Variants in MPP7 observed in about 807,000 individuals in gnomAD.
The protein encoded by MPP7 is MAGUK p55 scaffold protein 7, also known as MAGUK p55 subfamily member 7.
MPP7 carries 60 observed loss-of-function variants against 76.5 expected under a neutral mutation model. That is an observed-to-expected ratio of 0.78 (90% CI 0.64 to 0.97). The LOEUF is 0.97. Ranked by LOEUF, MPP7 falls within the 50% of genes least tolerant of loss-of-function variation. The pLI is 0.00. For missense variants in MPP7, 641 were observed against 694.0 expected (o/e 0.92, Z 0.86); for synonymous variants, 237 against 244.5 (o/e 0.97, Z 0.29).
At chr10:28,137,662 A>C (rs1483968482) in intron 5 of MPP7, among the ~76,000 whole-genome samples, 1 of 152,238 alleles carries the variant, frequency 6.6e-6, no homozygotes, top group East Asian at 1.9e-4. Flanking sequence ...ATTTTGGACA[A>C]CTAAAATTTT....
intron 6 of MPP7, among the ~76,000 whole-genome samples, chr10:28,131,064 T>A (rs552700417): frequency 6.6e-6 from 1 of 152,320 alleles, no homozygotes; most frequent in African/African-American, 2.4e-5. Flanking sequence ...AAAATAAAAT[T>A]AAATTAAACA....
At chr10:28,092,717 C>A (rs1377090282) in intron 11 of MPP7, among the ~76,000 whole-genome samples, 2 of 148,172 alleles carry the variant, frequency 1.3e-5, no homozygotes, top group Non-Finnish European at 3.0e-5. Flanking sequence ...GGACCACAGG[C>A]ATGTGCCACC....
chr10:28,306,694 AATAG>A (rs1053851153), upstream of MPP7, among the ~76,000 whole-genome samples: 8 of 90,064 alleles, frequency 8.9e-5, no homozygotes, highest in African/African-American at 3.8e-4. Flanking sequence ...GATGATAGAT[AATAG>A]ATAGTTGATA....
intron 2 of MPP7, among the ~76,000 whole-genome samples, chr10:28,316,265 C>T (rs1224111955): frequency 6.6e-6 from 1 of 151,330 alleles, no homozygotes; most frequent in East Asian, 1.9e-4. Flanking sequence ...GGTGAAACCC[C>T]ATATCTACTA....
chr10:28,147,099 G>A (rs993660389), intron 5 of MPP7, among the ~76,000 whole-genome samples: 2 of 152,060 alleles, frequency 1.3e-5, no homozygotes, highest in African/African-American at 4.8e-5. Context: ...AAAGAGGAAT[G>A]CTGAAATGAC....
At chr10:28,084,285 T>A (rs929742609) in intron 12 of MPP7, among the ~76,000 whole-genome samples, 2 of 152,102 alleles carry the variant, frequency 1.3e-5, no homozygotes, top group Admixed American at 1.3e-4. Flanking sequence ...CAATTCACAA[T>A]CACTAACCAA....
chr10:28,211,462 T>TATAG (rs1385815461), intron 2 of MPP7, among the ~76,000 whole-genome samples: 2 of 147,720 alleles, frequency 1.4e-5, no homozygotes, highest in African/African-American at 5.0e-5. Context: ...TATATATATA[T>TATAG]AGAGAGAGAG....
intron 3 of MPP7, among the ~76,000 whole-genome samples, chr10:28,163,560 C>T (rs895621884): frequency 6.6e-6 from 1 of 152,120 alleles, no homozygotes; most frequent in African/African-American, 2.4e-5. Context: ...AAACTTAGTA[C>T]ATACTCAAAT....
At chr10:28,331,032 T>A (rs1301281228) in intron 1 of MPP7, among the ~76,000 whole-genome samples, 1 of 152,206 alleles carries the variant, frequency 6.6e-6, no homozygotes, top group Non-Finnish European at 1.5e-5. Flanking sequence ...TGAAATTATG[T>A]GTGTCATACT....
chr10:28,229,365 C>T (rs1056213072), intron 2 of MPP7, among the ~76,000 whole-genome samples: 5 of 152,176 alleles, frequency 3.3e-5, no homozygotes, highest in Admixed American at 1.3e-4. Flanking sequence ...GCTAACCTAG[C>T]GTTATGTGCT....
At chr10:28,202,403 C>T (rs893574025) in intron 2 of MPP7, 132 bp from the exon 3 acceptor site, 8 of 604,502 alleles carry the variant, frequency 1.3e-5, no homozygotes, top group Admixed American at 3.3e-5. Context: ...AAGCTAAACA[C>T]TTCTCCAAAG....
At chr10:28,245,540 C>T (rs1447517892) in intron 1 of MPP7, among the ~76,000 whole-genome samples, 6 of 152,094 alleles carry the variant, frequency 3.9e-5, no homozygotes, top group East Asian at 1.9e-4. Context: ...ACCCAAGCCC[C>T]GCCTTACTGA....
intron 12 of MPP7, among the ~76,000 whole-genome samples, chr10:28,070,093 T>A (rs188753581): frequency 3.4e-4 from 52 of 152,316 alleles, no homozygotes; most frequent in African/African-American, 1.1e-3. Flanking sequence ...TATGTTTAAA[T>A]GAGATATGTT....
At chr10:28,114,055 G>T (rs965994421) in intron 11 of MPP7, among the ~76,000 whole-genome samples, 2 of 152,192 alleles carry the variant, frequency 1.3e-5, no homozygotes, top group African/African-American at 2.4e-5. Context: ...CTATCTTCAA[G>T]TACATTAGAG....
intron 2 of MPP7, among the ~76,000 whole-genome samples, chr10:28,227,147 G>A (rs1263232495): frequency 6.6e-6 from 1 of 152,176 alleles, no homozygotes; most frequent in Non-Finnish European, 1.5e-5. Flanking sequence ...ACAAGGACAA[G>A]AGTAAGTGTA....
chr10:28,136,465 A>T (rs149060918), intron 5 of MPP7, among the ~76,000 whole-genome samples: 1 of 152,200 alleles, frequency 6.6e-6, no homozygotes, highest in African/African-American at 2.4e-5. Flanking sequence ...ATGCAAAGAA[A>T]GCAGAAAATA....
upstream of MPP7, among the ~76,000 whole-genome samples, chr10:28,307,323 T>G (rs1841264536): frequency 6.6e-6 from 1 of 152,206 alleles, no homozygotes; most frequent in Non-Finnish European, 1.5e-5. Flanking sequence ...TGTTCCAGTT[T>G]CAAGTTGCCA....
At chr10:28,182,708 G>A (rs992934757) in intron 3 of MPP7, among the ~76,000 whole-genome samples, 2 of 152,162 alleles carry the variant, frequency 1.3e-5, no homozygotes, top group Non-Finnish European at 2.9e-5. Flanking sequence ...GCCATAGATA[G>A]CAATGTAAAC....
chr10:28,306,938 T>C (rs973635358), upstream of MPP7, among the ~76,000 whole-genome samples: 1 of 152,186 alleles, frequency 6.6e-6, no homozygotes, highest in African/African-American at 2.4e-5. Context: ...CTGGCTCCTA[T>C]GTCCCAGTGT....
Sources: gnomAD v4.1 joint callset for allele counts (sites outside exome capture counted in the v4.1 genomes callset) on GRCh38, gnomAD v4.1.1 for gene constraint, MANE v1.5 for transcripts, NCBI Gene and HGNC (gene_info 2026-07-23, HGNC 2026-07-21) for gene names.